The following FBN1 variants were observed in gnomAD, a reference collection of about 807,000 sequenced individuals.
The protein encoded by FBN1 is fibrillin-1.
A neutral mutation model predicts 365.1 loss-of-function variants in FBN1; 29 were observed. The ratio of observed to expected loss-of-function variants is 0.08; its 90% CI spans 0.06 to 0.11. FBN1 has a LOEUF of 0.11. Among genes scored for constraint, FBN1 ranks in the 10% least tolerant of loss-of-function variants. The probability of loss-of-function intolerance (pLI) is 1.00; values close to 1 mark genes in which losing one functional copy is unlikely to be tolerated. For missense variants in FBN1, 2,476 were observed against 3,703.2 expected (o/e 0.67, Z 8.60); for synonymous variants, 1,210 against 1,270.5 (o/e 0.95, Z 1.01).
At chr15:48,521,142 T>C (rs1428336225) in intron 9 of FBN1, among the ~76,000 whole-genome samples, 1 of 152,236 alleles carries the variant, frequency 6.6e-6, no homozygotes, top group Non-Finnish European at 1.5e-5. Flanking sequence ...CAGTTTATTA[T>C]TTATAAAGAC....
At chr15:48,481,923 A>G (rs991146283) in intron 31 of FBN1, 143 bp from the exon 32 acceptor site, 13 of 802,652 alleles carry the variant, frequency 1.6e-5, no homozygotes, top group African/African-American at 3.5e-5. Context: ...TTTAGAGGCC[A>G]ATTTACATTT....
chr15:48,505,557 A>G (rs1313645473), intron 15 of FBN1, among the ~76,000 whole-genome samples: 1 of 152,218 alleles, frequency 6.6e-6, no homozygotes, highest in Non-Finnish European at 1.5e-5. Context: ...TTTGGTATTC[A>G]TCACCCAGAC....
At chr15:48,645,280 C>T (rs1213315793) in intron 1 of FBN1, among the ~76,000 whole-genome samples, 1 of 152,162 alleles carries the variant, frequency 6.6e-6, no homozygotes, top group East Asian at 1.9e-4. Context: ...GCTCTGAACG[C>T]CCCACTCCTC....
At chr15:48,538,206 G>C (rs1051010661) in intron 6 of FBN1, among the ~76,000 whole-genome samples, 6 of 152,154 alleles carry the variant, frequency 3.9e-5, no homozygotes, top group Non-Finnish European at 8.8e-5. Flanking sequence ...GTGACTAAAA[G>C]AGGCCAAATC....
At chr15:48,550,885 C>T (rs1397426275) in intron 6 of FBN1, among the ~76,000 whole-genome samples, 2 of 152,140 alleles carry the variant, frequency 1.3e-5, no homozygotes, top group East Asian at 3.8e-4. Flanking sequence ...CTTAAGGATA[C>T]ATATTTTGTC....
At chr15:48,535,849 C>T (rs1038516997) in intron 7 of FBN1, among the ~76,000 whole-genome samples, 1 of 152,158 alleles carries the variant, frequency 6.6e-6, no homozygotes, top group Non-Finnish European at 1.5e-5. Context: ...ATTTTCCATT[C>T]TCTTGATGTG....
chr15:48,636,982 T>C (rs755036886), intron 2 of FBN1, among the ~76,000 whole-genome samples: 1 of 152,188 alleles, frequency 6.6e-6, no homozygotes, highest in Admixed American at 6.5e-5. Flanking sequence ...CCTGATCTCG[T>C]TTCCCTTTAT....
rs1196419181 is a variant in FBN1 at position 48,428,228 on chromosome 15, C to G, written c.6997+118G>C. ...CATTACGGCATCTCCAAAATATGAA[C>G]ATTTTTTATCCTTCCTCAGATTTTG... On this transcript the variant is annotated intron_variant, in intron 57 of 65. Transcript: ENST00000316623. The G allele has an allele frequency of 2.2e-6, 3 of 1,347,938 alleles. No individual in the cohort carries two copies. The South Asian group carries it at 3.7e-5, about 17-fold the overall frequency. 83.5% of individuals were successfully genotyped at this position (1,347,938 alleles called of 1,614,324 possible).
chr15:48,600,151 G>C lies in FBN1; in HGVS notation c.430C>G (p.His144Asp), dbSNP rs769476277. 6.2e-7 allele frequency: 1 copy of C among 1,610,962 alleles called. No homozygotes were observed. The highest frequency in any genetic ancestry group is 2.2e-5 in the East Asian group (1 of 44,862). ...CLCQKGYIGTHCGQPVCESGC... is the reference protein window; with the variant it reads ...CLCQKGYIGTDCGQPVCESGC... The stretch of plus-strand genomic sequence containing the variant: ...ACAGTGTACTTACGTTGTCCACAGT[G>C]AGTCCCTATGTATCCTTTCTGGCAT... Residue 144 changes from histidine (H) to aspartate (D), a missense_variant, in exon 5 of 66, where the codon CAC becomes GAC. His to Asp is a moderately conservative substitution (Grantham distance 81). Around this residue, in one of 5 missense-constraint regions of FBN1, gnomAD observed 421 missense variants for 520.1 expected, o/e 0.81. Transcript: ENST00000316623.
At chr15:48,470,245 G>A (rs2043360080) in intron 36 of FBN1, among the ~76,000 whole-genome samples, 1 of 152,102 alleles carries the variant, frequency 6.6e-6, no homozygotes, top group Non-Finnish European at 1.5e-5. Context: ...AGGAAGGAGT[G>A]GGGTGGGTAT....
intron 55 of FBN1, among the ~76,000 whole-genome samples, chr15:48,431,549 T>C (rs2043022793): frequency 1.3e-5 from 2 of 152,086 alleles, no homozygotes; most frequent in South Asian, 4.1e-4. Context: ...CAATATATGA[T>C]AAGGCAATAA....
Position 48,613,096 on chromosome 15 carries a change from A to T in FBN1, c.165-4T>A, listed in dbSNP as rs761159501. On this transcript the variant is annotated splice_polypyrimidine_tract_variant and splice_region_variant and intron_variant, in intron 2 of 65. Coordinates refer to ENST00000316623, the MANE Select transcript of FBN1 (RefSeq NM_000138.5). The stretch of plus-strand genomic sequence containing the variant: ...ACGTGATCCACAGACATTGGGTCTA[A>T]AACAAAAACAGAAGAATTCCATACT... 2.5e-6 allele frequency: 4 copies of T among 1,606,510 alleles called. No homozygotes were observed. The highest frequency in any genetic ancestry group is 3.3e-5 in the Admixed American group (2 of 60,008).
intron 4 of FBN1, 31 bp from the exon 5 acceptor site, chr15:48,600,265 G>C: frequency 6.5e-7 from 1 of 1,545,266 alleles, no homozygotes; most frequent in Non-Finnish European, 8.9e-7. Flanking sequence ...ATTCACTTTT[G>C]CAACTTAAAT....
chr15:48,492,520 G>A lies in FBN1; in HGVS notation c.2795C>T (p.Ser932Leu). ...KNGLCVNTRG[S>L]FKCQCPSGMT... ...TCCACTGGGACACTGACACTTGAATGACCCCCTAGTGTTAACACACAGGCC... is the reference window on the plus strand; with the variant it reads ...TCCACTGGGACACTGACACTTGAATAACCCCCTAGTGTTAACACACAGGCC... Residue 932 changes from serine (S) to leucine (L), a missense_variant, in exon 24 of 66, where the codon TCA (serine) becomes TTA (leucine). Ser to Leu is a moderately radical substitution (Grantham distance 145). Around this residue, in one of 5 missense-constraint regions of FBN1, gnomAD observed 1,780 missense variants for 2,840.8 expected, o/e 0.63. Transcript: ENST00000316623. 1 of 1,612,958 alleles carries A rather than the reference G, an allele frequency of 6.2e-7. No individual in the cohort carries two copies. Among genetic ancestry groups the A allele is most frequent in the Non-Finnish European group, 8.5e-7 (1 of 1,179,196 alleles).
chr15:48,596,440 T>G, intron 5 of FBN1, 62 bp from the exon 6 acceptor site: 3 of 1,471,750 alleles, frequency 2.0e-6, no homozygotes, highest in Non-Finnish European at 2.9e-6. Flanking sequence ...GAAGTAACAC[T>G]TGTGGTCCTC....
At chr15:48,501,572 G>A (rs2043658332) in intron 17 of FBN1, among the ~76,000 whole-genome samples, 1 of 152,142 alleles carries the variant, frequency 6.6e-6, no homozygotes, top group South Asian at 2.1e-4. Flanking sequence ...CTGGTCTTTT[G>A]GTCACCTTTT....
chr15:48,638,728 T>C (rs560841174), intron 2 of FBN1, among the ~76,000 whole-genome samples: 14 of 152,100 alleles, frequency 9.2e-5, no homozygotes, highest in Admixed American at 5.2e-4. Flanking sequence ...ATAACTCATA[T>C]GACTGGTCGT....
Position 48,497,486 on chromosome 15 carries a change from T to C in FBN1, c.2168-95A>G, listed in dbSNP as rs371971398. Reference sequence around the variant, plus strand: ...AACACTACAATAAATGTAATGACCTTAGGAGCTACAGGAGGAAAAAAATCG... The same window carrying C: ...AACACTACAATAAATGTAATGACCTCAGGAGCTACAGGAGGAAAAAAATCG... On this transcript the variant is annotated intron_variant, in intron 18 of 65. Coordinates refer to ENST00000316623, the MANE Select transcript of FBN1 (RefSeq NM_000138.5). 21 of 1,244,476 alleles carry C rather than the reference T, an allele frequency of 1.7e-5. No homozygotes were observed. The African/African-American group carries it at 3.2e-4, about 19-fold the overall frequency. 77.1% of individuals were successfully genotyped at this position (1,244,476 alleles called of 1,614,324 possible).
Position 48,465,433 on chromosome 15 carries a change from T to C in FBN1, c.4942+135A>G, listed in dbSNP as rs914044327. ...AGTCCAAATTGCCACATGTGAGACATATCTACCTGGCTATGTTCGTGTTTA... is the reference window on the plus strand; with the variant it reads ...AGTCCAAATTGCCACATGTGAGACACATCTACCTGGCTATGTTCGTGTTTA... On this transcript the variant is annotated intron_variant, in intron 40 of 65. Coordinates refer to ENST00000316623, the MANE Select transcript of FBN1 (RefSeq NM_000138.5). The C allele has an allele frequency of 7.7e-5, 76 of 986,498 alleles. No homozygotes were observed. In the African/African-American group the frequency reaches 1.0e-3, roughly 13 times the overall value. 61.1% of individuals were successfully genotyped at this position (986,498 alleles called of 1,614,324 possible).
Sources: allele counts gnomAD v4.1 joint callset (sites outside exome capture counted in the v4.1 genomes callset), GRCh38; gene constraint gnomAD v4.1.1; regional missense constraint gnomAD v4.1.1; transcripts MANE v1.5; gene names NCBI Gene and HGNC (gene_info 2026-07-23, HGNC 2026-07-21).